The following LOX variants were observed in gnomAD, a reference collection of about 807,000 sequenced individuals.
LOX encodes the protein lysyl oxidase.
Under a neutral mutation model 50.5 loss-of-function variants are expected in LOX, and 12 were observed. The observed-to-expected ratio is 0.24, with a 90% confidence interval of 0.15 to 0.38. LOX has a LOEUF of 0.38. Ranked by LOEUF, LOX falls within the 10% of genes least tolerant of loss-of-function variation. LOX has a pLI of 1.00. For synonymous variants in LOX, 254 were observed against 230.6 expected (o/e 1.10, Z -0.92); for missense variants, 504 against 563.8 (o/e 0.89, Z 1.07).
rs961662903 is a variant in LOX, at chr5:122,070,351, G to A, written c.1131+143C>T. On this transcript the variant is annotated intron_variant, in intron 5 of 6. Coordinates refer to ENST00000231004, the MANE Select transcript of LOX (RefSeq NM_002317.7). ...CCCTGAAGTTCTTTAAAATAAGACA[G>A]ATTAGATTAGATTAGATTGTTTATA... 25 of 640,212 alleles carry A rather than the reference G, an allele frequency of 3.9e-5. No homozygotes were observed. The African/African-American group carries it at 4.2e-4, about 11-fold the overall frequency. 39.7% of individuals were successfully genotyped at this position (640,212 alleles called of 1,614,324 possible). A position where few individuals can be genotyped will look rare whatever the true frequency, so the allele number is the denominator to read the frequency against.
intron 4 of LOX, among the ~76,000 whole-genome samples, chr5:122,072,559 T>C (rs1754481242): frequency 6.6e-6 from 1 of 152,182 alleles, no homozygotes; most frequent in Admixed American, 6.5e-5. Flanking sequence ...GTTTTATGCT[T>C]GAATACATTT....
At chr5:122,071,539 G>A (rs1476375000) in intron 4 of LOX, among the ~76,000 whole-genome samples, 3 of 152,158 alleles carry the variant, frequency 2.0e-5, no homozygotes, top group Non-Finnish European at 4.4e-5. Context: ...TACAGGCTGG[G>A]AGGAGAAAAA....
chr5:122,077,634 T>C lies in LOX; in HGVS notation c.352A>G (p.Arg118Gly). The C allele has an allele frequency of 6.2e-7, 1 of 1,610,984 alleles. No homozygotes were observed. Among genetic ancestry groups the C allele is most frequent in the Non-Finnish European group, 8.5e-7 (1 of 1,179,488 alleles). ...GSSGVTAGRP[R>G]PTARHWFQAG... Reference sequence around the variant, plus strand: ...TGGAACCAGTGACGGGCGGTGGGCCTGGGGCGGCCAGCGGTGACTCCAGAT... The same window carrying C: ...TGGAACCAGTGACGGGCGGTGGGCCCGGGGCGGCCAGCGGTGACTCCAGAT... The change falls in exon 1 of 7, where the codon AGG becomes GGG. Residue 118 changes from arginine to glycine, a missense_variant. Transcript: ENST00000231004. This position sits in a 1 kb window ranked among gnomAD's most constrained non-coding sequence, Gnocchi z 4.9.
chr5:122,070,802 T>C lies in LOX; in HGVS notation c.1036-213A>G. ...GATACAGGACTAATATAAGTAGTAG[T>C]ACACCTCACTTCTTAAAAGTGTCAT... is the stretch of plus-strand genomic sequence containing the variant. On this transcript the variant is annotated intron_variant, in intron 4 of 6. Coordinates refer to ENST00000231004, the MANE Select transcript of LOX (RefSeq NM_002317.7). The C allele has an allele frequency of 1.6e-5, 6 of 369,400 alleles. No homozygotes were observed. In the Admixed American group the frequency reaches 2.5e-4, roughly 16 times the overall value. The allele number at this position is 369,400 out of a possible 1,614,324, so 22.9% of individuals were successfully genotyped here. A position where few individuals can be genotyped will look rare whatever the true frequency, so the allele number is the denominator to read the frequency against.
chr5:122,076,239 A>G (rs1390129041), intron 2 of LOX, among the ~76,000 whole-genome samples: 5 of 152,208 alleles, frequency 3.3e-5, no homozygotes, highest in African/African-American at 9.6e-5. Context: ...TAGTGTGTCT[A>G]TATGTTCAGG....
At chr5:122,072,557 C>G (rs994134416) in intron 4 of LOX, among the ~76,000 whole-genome samples, 4 of 152,022 alleles carry the variant, frequency 2.6e-5, no homozygotes, top group African/African-American at 9.7e-5. Context: ...TAGTTTTATG[C>G]TTGAATACAT....
intron 3 of LOX, 32 bp downstream of exon 3, chr5:122,075,372 C>T: frequency 1.3e-6 from 2 of 1,551,344 alleles, no homozygotes; most frequent in Non-Finnish European, 1.7e-6. Flanking sequence ...TGAAAAGCAA[C>T]CCAAAAGTAC....
rs146652748 is a variant in LOX at position 122,074,772 on chromosome 5, A to G, written c.879-603T>C. ...TTAAATGGAAGGTGCTGAGCTGTTCATCTTCCCACATAAGGAAAAAACAAT... is the reference window on the plus strand; with the variant it reads ...TTAAATGGAAGGTGCTGAGCTGTTCGTCTTCCCACATAAGGAAAAAACAAT... On this transcript the variant is annotated intron_variant, in intron 3 of 6. Coordinates refer to ENST00000231004, the MANE Select transcript of LOX (RefSeq NM_002317.7). Among the ~76,000 whole-genome samples the G allele has an allele frequency of 3.2e-3, 484 of 152,312 alleles. 6 individuals are homozygous for G. Among genetic ancestry groups the G allele is most frequent in the African/African-American group, 0.011 (462 of 41,562 alleles).
intron 4 of LOX, chr5:122,070,909 A>G (rs1425665380): frequency 1.6e-5 from 3 of 188,232 alleles, no homozygotes; most frequent in Non-Finnish European, 3.2e-5. Context: ...TCAGGAATAA[A>G]GGCCACATAA....
Position 122,077,964 on chromosome 5 carries a change from G to C in LOX, c.22C>G (p.Leu8Val). Reference sequence around the variant, plus strand: ...CAGAGCTGCAAAGGCCCGAGCAGGAGCACGGTCCAGGCGAAGCGCATCACT... The same window carrying C: ...CAGAGCTGCAAAGGCCCGAGCAGGACCACGGTCCAGGCGAAGCGCATCACT... MRFAWTV[L>V]LLGPLQLCAL... Residue 8 changes from leucine to valine, a missense_variant, in exon 1 of 7, where the codon CTC (leucine) becomes GTC (valine). Leu to Val is a conservative substitution (Grantham distance 32). This residue lies in a region of LOX where 398 missense variants were observed against 365.8 expected (regional missense o/e 1.09). Coordinates refer to ENST00000231004, the MANE Select transcript of LOX (RefSeq NM_002317.7). This position sits in a 1 kb window ranked among gnomAD's most constrained non-coding sequence, Gnocchi z 4.9. 6.8e-7 allele frequency: 1 copy of C among 1,472,744 alleles called. No homozygotes were observed. The highest frequency in any genetic ancestry group is 8.9e-7 in the Non-Finnish European group (1 of 1,119,724). The allele number at this position is 1,472,744 out of a possible 1,614,324, so 91.2% of individuals were successfully genotyped here.
At position 122,074,092 on chromosome 5, in the gene LOX, T is replaced by C; in HGVS notation, c.956A>G (p.His319Arg). The change falls in exon 4 of 7, where the codon CAC (histidine) becomes CGC (arginine). Residue 319 changes from histidine to arginine, a missense_variant. By Grantham distance (29) the His-to-Arg change is conservative. Transcript: ENST00000231004. Reference sequence around the variant, plus strand: ...GTCTTCAAGACAGAAACTTGCTTTGTGGCCTTCAGCCACTCTCCTCTGGGT... The same window carrying C: ...GTCTTCAAGACAGAAACTTGCTTTGCGGCCTTCAGCCACTCTCCTCTGGGT... ...ANTQRRVAEGHKASFCLEDTS... is the reference protein window; with the variant it reads ...ANTQRRVAEGRKASFCLEDTS... The C allele has an allele frequency of 6.2e-7, 1 of 1,614,178 alleles. No individual in the cohort carries two copies. Among genetic ancestry groups the C allele is most frequent in the Non-Finnish European group, 8.5e-7 (1 of 1,180,000 alleles).
intron 6 of LOX, among the ~76,000 whole-genome samples, chr5:122,068,174 T>TG (rs753955725): frequency 7.9e-4 from 91 of 115,882 alleles, no homozygotes; most frequent in Middle Eastern, 5.1e-3. Flanking sequence ...TAATAACTAG[T>TG]AAAAAAAAAA....
At position 122,077,324 on chromosome 5, in the gene LOX, G is replaced by A. The variant is rs754642286; in HGVS notation, c.631+31C>T. The A allele has an allele frequency of 1.2e-6, 2 of 1,613,022 alleles. No homozygotes were observed. Among genetic ancestry groups the A allele is most frequent in the Non-Finnish European group, 1.7e-6 (2 of 1,179,846 alleles). The stretch of plus-strand genomic sequence containing the variant: ...CCACATAGCTGGGGACCAGGTGCAC[G>A]GGTGCTTCCAGCGGACTTGGGGGTA... On this transcript the variant is annotated intron_variant, in intron 1 of 6. Coordinates refer to ENST00000231004, the MANE Select transcript of LOX (RefSeq NM_002317.7). The surrounding 1 kb of genome is among the most constrained non-coding windows in gnomAD (Gnocchi z 4.9).
At chr5:122,072,391 A>T (rs1235306131) in intron 4 of LOX, among the ~76,000 whole-genome samples, 1 of 152,246 alleles carries the variant, frequency 6.6e-6, no homozygotes, top group African/African-American at 2.4e-5. Flanking sequence ...TCTCTAAATC[A>T]GCAATTTGAG....
chr5:122,067,870 T>C (rs80203898), intron 6 of LOX, among the ~76,000 whole-genome samples: 5,454 of 151,994 alleles, frequency 0.036, 365 homozygotes, highest in African/African-American at 0.12. Context: ...TTCAAATGTA[T>C]CCTAAAGTCA....
rs1336152980 is a variant in LOX at position 122,066,468 on chromosome 5, T to C, written c.*275A>G. The C allele has an allele frequency of 2.2e-5, 8 of 357,414 alleles. No individual in the cohort carries two copies. Among genetic ancestry groups the C allele is most frequent in the Non-Finnish European group, 4.1e-5 (8 of 196,918 alleles). The allele number at this position is 357,414 out of a possible 1,614,324, so 22.1% of individuals were successfully genotyped here. A position where few individuals can be genotyped will look rare whatever the true frequency, so the allele number is the denominator to read the frequency against. ...AGGAACATGAGAAATTTGGATTTCT[T>C]TGAAAGAGTCAAATATGTAATTACA... On this transcript the variant is annotated 3_prime_UTR_variant, in exon 7 of 7. Transcript: ENST00000231004.
At position 122,077,402 on chromosome 5, in the gene LOX, G is replaced by C; in HGVS notation, c.584C>G (p.Pro195Arg). Residue 195 changes from proline (P) to arginine (R), a missense_variant, in exon 1 of 7, where the codon CCT becomes CGT. Pro to Arg is a moderately radical substitution (Grantham distance 103). Transcript: ENST00000231004. This position sits in a 1 kb window ranked among gnomAD's most constrained non-coding sequence, Gnocchi z 4.9. ...GTATCCGGGCCGGTACCTGCCCCCA[G>C]GTCTGGGCCTTTCATAAGTATCGTA... Reference protein sequence around the residue: ...NYYDTYERPRPGGRYRPGYGT... With the variant: ...NYYDTYERPRRGGRYRPGYGT... The C allele has an allele frequency of 6.2e-7, 1 of 1,614,102 alleles. No individual in the cohort carries two copies. The highest frequency in any genetic ancestry group is 8.5e-7 in the Non-Finnish European group (1 of 1,180,008).
At chr5:122,074,736 T>C (rs967588266) in intron 3 of LOX, among the ~76,000 whole-genome samples, 5 of 152,238 alleles carry the variant, frequency 3.3e-5, no homozygotes, top group African/African-American at 1.2e-4. Flanking sequence ...ATATCTACTT[T>C]TGTTATTTCA....
In LOX at chr5:122,077,041, C is replaced by G; in HGVS notation, c.632-40G>C. 5 of 1,605,598 alleles carry G rather than the reference C, an allele frequency of 3.1e-6. No homozygotes were observed. The highest frequency in any genetic ancestry group is 4.2e-6 in the Non-Finnish European group (5 of 1,178,868). On this transcript the variant is annotated intron_variant, in intron 1 of 6. Transcript: ENST00000231004. This position sits in a 1 kb window ranked among gnomAD's most constrained non-coding sequence, Gnocchi z 4.9. ...GCGACGGGCGCAGCAGTGAAACAAC[C>G]CGGCGCCCCCCGCTCCAACTCCCTA... is the stretch of plus-strand genomic sequence containing the variant.
Sources: gnomAD v4.1 joint callset for allele counts (sites outside exome capture counted in the v4.1 genomes callset) on GRCh38, gnomAD v4.1.1 for gene constraint, gnomAD v4.1.1 regional missense constraint, Gnocchi (gnomAD v3.1) non-coding constraint, MANE v1.5 for transcripts, NCBI Gene and HGNC (gene_info 2026-07-23, HGNC 2026-07-21) for gene names.